NALF1: variants seen among roughly 807,000 people sequenced by gnomAD.
The protein encoded by NALF1 is NALCN channel auxiliary factor 1, also known as family with sequence similarity 155 member A.
Under a neutral mutation model 48.4 loss-of-function variants are expected in NALF1, and 3 were observed. The observed-to-expected ratio is 0.06, with a 90% confidence interval of 0.03 to 0.16. The LOEUF is 0.16. NALF1 is among the 10% of genes least tolerant of loss of function. The pLI is 1.00. For synonymous variants in NALF1, 262 were observed against 245.7 expected, an observed-to-expected ratio of 1.07 and a Z score of -0.62; for missense variants, 526 against 571.5, an observed-to-expected ratio of 0.92 and a Z score of 0.81.
At chr13:107,502,818 TAAGTAATG>T (rs1278187942) in intron 1 of NALF1, among the ~76,000 whole-genome samples, 3 of 152,164 alleles carry the variant, frequency 2.0e-5, no homozygotes, top group Non-Finnish European at 4.4e-5. Context: ...TTGACACTGT[TAAGTAATG>T]AGTATTTATT....
At chr13:107,862,899 A>T (rs1164908996) in intron 1 of NALF1, among the ~76,000 whole-genome samples, 1 of 151,828 alleles carries the variant, frequency 6.6e-6, no homozygotes, top group Non-Finnish European at 1.5e-5. Flanking sequence ...TTTAGAAATC[A>T]CTGCATTACT....
chr13:107,187,240 A>C (rs1290112336), intron 2 of NALF1, among the ~76,000 whole-genome samples: 1 of 152,134 alleles, frequency 6.6e-6, no homozygotes, highest in Non-Finnish European at 1.5e-5. Context: ...CTGCCACGTA[A>C]TGTAGCATAT....
chr13:107,640,300 A>G (rs1261927573), intron 1 of NALF1, among the ~76,000 whole-genome samples: 2 of 152,230 alleles, frequency 1.3e-5, no homozygotes, highest in African/African-American at 4.8e-5. Flanking sequence ...CACAGTGTAC[A>G]GCTAAACTGA....
At chr13:107,520,953 G>T (rs1240696660) in intron 1 of NALF1, among the ~76,000 whole-genome samples, 1 of 152,216 alleles carries the variant, frequency 6.6e-6, no homozygotes, top group African/African-American at 2.4e-5. Context: ...TAAGAAAGAC[G>T]TACCCAGTGA....
At chr13:107,240,226 G>C (rs1023828185) in intron 1 of NALF1, among the ~76,000 whole-genome samples, 1 of 152,162 alleles carries the variant, frequency 6.6e-6, no homozygotes, top group African/African-American at 2.4e-5. Flanking sequence ...AGGACACAGA[G>C]AGAAGATGGC....
rs562595509 is a variant in NALF1, at chr13:107,497,284, G to A, written c.916-286529C>T. Among the ~76,000 whole-genome samples, 22 of 152,022 alleles carry A rather than the reference G, an allele frequency of 1.4e-4. 1 individual carries two copies. In the South Asian group the frequency reaches 2.9e-3, roughly 20 times the overall value. On this transcript the variant is annotated intron_variant, in intron 1 of 2. Coordinates refer to ENST00000375915, the MANE Select transcript of NALF1 (RefSeq NM_001080396.3). Reference sequence around the variant, plus strand: ...GTTATACTCTTAATTACTATTAACCGACACTGATATGAGTTTTACTGTTTT... The same window carrying A: ...GTTATACTCTTAATTACTATTAACCAACACTGATATGAGTTTTACTGTTTT...
intron 1 of NALF1, among the ~76,000 whole-genome samples, chr13:107,263,209 A>T (rs1380352284): frequency 3.3e-5 from 5 of 150,822 alleles, no homozygotes; most frequent in African/African-American, 1.2e-4. Context: ...TTCTTTGTGT[A>T]TAAATGTGTA....
chr13:107,746,868 A>T (rs1417521982), intron 1 of NALF1, among the ~76,000 whole-genome samples: 1 of 152,180 alleles, frequency 6.6e-6, no homozygotes, highest in Admixed American at 6.6e-5. Context: ...CTGGGTCTGT[A>T]TCTCACTTCA....
chr13:107,182,593 T>C (rs756222671), intron 2 of NALF1, among the ~76,000 whole-genome samples: 1 of 152,206 alleles, frequency 6.6e-6, no homozygotes, highest in Non-Finnish European at 1.5e-5. Context: ...CTTAAATGTA[T>C]ATTTTTTCAT....
At chr13:107,693,334 G>GGGGGGGGGGA (rs535333019) in intron 1 of NALF1, among the ~76,000 whole-genome samples, 51 of 123,986 alleles carry the variant, frequency 4.1e-4, no homozygotes, top group Non-Finnish European at 6.7e-4. Flanking sequence ...AGGGTAGGGG[G>GGGGGGGGGGA]GGCGGGAGGG....
chr13:107,427,637 C>G (rs72650591), intron 1 of NALF1, among the ~76,000 whole-genome samples: 36,925 of 151,982 alleles, frequency 0.24, 4,729 homozygotes, highest in Admixed American at 0.3. Flanking sequence ...TGTGATGATA[C>G]ATTTGCTTTT....
intron 1 of NALF1, among the ~76,000 whole-genome samples, chr13:107,302,848 T>TCA (rs916056389): frequency 1.3e-4 from 19 of 151,712 alleles, no homozygotes; most frequent in African/African-American, 2.7e-4. Context: ...TCTCACTCTC[T>TCA]CACACACACA....
At chr13:107,612,062 G>T (rs1219180999) in intron 1 of NALF1, among the ~76,000 whole-genome samples, 2 of 93,104 alleles carry the variant, frequency 2.1e-5, no homozygotes, top group Admixed American at 1.1e-4. Flanking sequence ...AGAGGGGAGT[G>T]GGGGGGAGAG....
intron 1 of NALF1, among the ~76,000 whole-genome samples, chr13:107,253,849 C>T (rs1880754451): frequency 6.6e-6 from 1 of 152,054 alleles, no homozygotes. Context: ...CTTCAGAGGG[C>T]CTTTCCTCTC....
chr13:107,512,267 A>C (rs1323446813), intron 1 of NALF1, among the ~76,000 whole-genome samples: 2 of 152,034 alleles, frequency 1.3e-5, no homozygotes, highest in Non-Finnish European at 2.9e-5. Flanking sequence ...GGTAGCACAC[A>C]CCTATAGTCT....
intron 1 of NALF1, among the ~76,000 whole-genome samples, chr13:107,484,154 C>G (rs1885293394): frequency 6.6e-6 from 1 of 152,050 alleles, no homozygotes; most frequent in African/African-American, 2.4e-5. Flanking sequence ...TTTATGATAG[C>G]TTATTAACAA....
chr13:107,769,841 T>C (rs1877527471), intron 1 of NALF1, among the ~76,000 whole-genome samples: 1 of 152,226 alleles, frequency 6.6e-6, no homozygotes, highest in South Asian at 2.1e-4. Context: ...CCATCACCAC[T>C]TAGAGAATTC....
intron 1 of NALF1, among the ~76,000 whole-genome samples, chr13:107,525,412 T>C (rs1207095390): frequency 6.6e-6 from 1 of 152,090 alleles, no homozygotes; most frequent in Admixed American, 6.6e-5. Context: ...GATATGCCTT[T>C]GAGATTCATC....
chr13:107,828,599 A>G (rs1191601354), intron 1 of NALF1, among the ~76,000 whole-genome samples: 4 of 67,174 alleles, frequency 6.0e-5, no homozygotes, highest in East Asian at 5.6e-4. Flanking sequence ...ATCTATATCT[A>G]TATCTATACA....
Sources: allele counts gnomAD v4.1 joint callset (sites outside exome capture counted in the v4.1 genomes callset), GRCh38; gene constraint gnomAD v4.1.1; transcripts MANE v1.5; gene names NCBI Gene and HGNC (gene_info 2026-07-23, HGNC 2026-07-21).